Variants in SUSD4 observed in about 807,000 individuals in gnomAD.
SUSD4 encodes sushi domain-containing protein 4.
Under a neutral mutation model 50.5 loss-of-function variants are expected in SUSD4, and 41 were observed. That is an observed-to-expected ratio of 0.81 (90% CI 0.63 to 1.05). The LOEUF (loss-of-function observed/expected upper bound fraction) is 1.05, where lower values mean the gene tolerates loss of function less well. Among genes scored for constraint, SUSD4 ranks in the 50% least tolerant of loss-of-function variants. SUSD4 has a pLI of 0.00. For missense variants in SUSD4, 580 were observed against 634.7 expected (o/e 0.91, Z 0.93); for synonymous variants, 257 against 257.3 (o/e 1.00, Z 0.01).
At chr1:223,350,649 G>T (rs1424093354) in intron 2 of SUSD4, among the ~76,000 whole-genome samples, 6 of 152,230 alleles carry the variant, frequency 3.9e-5, no homozygotes, top group Admixed American at 2.0e-4. Context: ...TCATACAGTA[G>T]CAGGTCTTAG....
chr1:223,363,582 C>A, intron 1 of SUSD4, 122 bp from the exon 2 acceptor site: 1 of 1,194,922 alleles, frequency 8.4e-7, no homozygotes. Context: ...GTTCCTCCCC[C>A]GCGCGGCCCC....
In SUSD4 at chr1:223,351,916, G is replaced by A. The variant is rs534866995; in HGVS notation, c.148+11362C>T. On this transcript the variant is annotated intron_variant, in intron 2 of 8. Transcript: ENST00000366878. ...GGACGTTAGCTTAGGCTACATCACC[G>A]AGAACATGACCCAGTTTAGCAACAA... Among the ~76,000 whole-genome samples, 16 of 151,998 alleles carry A rather than the reference G, an allele frequency of 1.1e-4. No individual in the cohort carries two copies. The East Asian group carries it at 2.3e-3, about 22-fold the overall frequency.
At chr1:223,354,784 C>T (rs551594431) in intron 2 of SUSD4, among the ~76,000 whole-genome samples, 5 of 152,148 alleles carry the variant, frequency 3.3e-5, no homozygotes, top group Non-Finnish European at 7.3e-5. Flanking sequence ...CAAGCAGATC[C>T]TATTGTTTCT....
intron 3 of SUSD4, among the ~76,000 whole-genome samples, chr1:223,272,207 T>C (rs1346327328): frequency 3.3e-5 from 5 of 152,160 alleles, no homozygotes; most frequent in Non-Finnish European, 5.9e-5. Flanking sequence ...ACAAAAATAT[T>C]CATCAAAATC....
At chr1:223,266,375 G>GA (rs1662491558) in intron 4 of SUSD4, among the ~76,000 whole-genome samples, 2 of 152,168 alleles carry the variant, frequency 1.3e-5, no homozygotes, top group Non-Finnish European at 2.9e-5. Context: ...CAATAATTGA[G>GA]AAAAAAAGAG....
rs1202844667 is a variant in SUSD4 at position 223,292,612 on chromosome 1, G to A, written c.188C>T (p.Pro63Leu). 5 of 1,614,076 alleles carry A rather than the reference G, an allele frequency of 3.1e-6. No individual in the cohort carries two copies. The highest frequency in any genetic ancestry group is 4.2e-6 in the Non-Finnish European group (5 of 1,180,016). The part of the protein sequence containing the change: ...DLQVCADPGI[P>L]ENGFRTPSGG... ...GCTGGGGGTCCTGAAGCCATTCTCG[G>A]GAATGCCGGGGTCAGCACACACTTG... The change falls in exon 3 of 9, where the codon CCC becomes CTC. Residue 63 changes from proline to leucine, a missense_variant. By Grantham distance (98) the Pro-to-Leu change is moderately conservative (BLOSUM62 -3). Coordinates refer to ENST00000366878, the MANE Select transcript of SUSD4 (RefSeq NM_017982.4).
intron 2 of SUSD4, among the ~76,000 whole-genome samples, chr1:223,351,270 T>G (rs1267872827): frequency 1.3e-5 from 2 of 152,228 alleles, no homozygotes; most frequent in Admixed American, 6.5e-5. Context: ...ATGTGCAAAA[T>G]TTTCATATGT....
chr1:223,303,182 A>G (rs911217716), intron 2 of SUSD4, among the ~76,000 whole-genome samples: 13 of 152,086 alleles, frequency 8.5e-5, no homozygotes, highest in South Asian at 4.2e-4. Flanking sequence ...TTGATAACAC[A>G]TATGTCCATA....
chr1:223,234,792 C>G, intron 5 of SUSD4: 1 of 890,880 alleles, frequency 1.1e-6, no homozygotes, highest in East Asian at 3.2e-5. Context: ...CTCTGAGATA[C>G]ACACTAAAAT....
At chr1:223,331,858 C>A (rs1667195696) in intron 2 of SUSD4, among the ~76,000 whole-genome samples, 1 of 152,196 alleles carries the variant, frequency 6.6e-6, no homozygotes, top group Non-Finnish European at 1.5e-5. Context: ...AGAAATCACC[C>A]TGCAAACCCA....
At position 223,227,779 on chromosome 1, in the gene SUSD4, C is replaced by T. The variant is rs368057010; in HGVS notation, c.917-41G>A. 682 of 1,567,202 alleles carry T rather than the reference C, an allele frequency of 4.4e-4. 10 individuals carry two copies. In the South Asian group the frequency reaches 6.7e-3, roughly 15 times the overall value. ...CAAAGCTGTACGTGAGGCTCCCAGA[C>T]CATGAGAGGTGCCGAGGTTCCCCGT... On this transcript the variant is annotated intron_variant, in intron 6 of 8. Transcript: ENST00000366878. This position sits in a 1 kb window ranked among gnomAD's most constrained non-coding sequence, Gnocchi z 4.5.
At chr1:223,289,722 T>G (rs1444866248) in intron 3 of SUSD4, among the ~76,000 whole-genome samples, 1 of 152,138 alleles carries the variant, frequency 6.6e-6, no homozygotes, top group Non-Finnish European at 1.5e-5. Flanking sequence ...TCTCTATAGG[T>G]CAAACAAAAA....
intron 2 of SUSD4, among the ~76,000 whole-genome samples, chr1:223,323,436 C>A (rs570588397): frequency 6.6e-6 from 1 of 151,944 alleles, no homozygotes; most frequent in Non-Finnish European, 1.5e-5. Context: ...TCAACAGGGG[C>A]CCCAGAGAGC....
rs1663318201 is a variant in SUSD4, at chr1:223,276,950, GT to G, written c.362-8276del. On this transcript the variant is annotated intron_variant, in intron 3 of 8. Transcript: ENST00000366878. ...TAAAATATTTTTAAAGCATCCATCT[GT>G]TTTGATGAAGCCTCTGGAGCTAGAA... Among the ~76,000 whole-genome samples, 3 of 152,300 alleles carry G rather than the reference GT, an allele frequency of 2.0e-5. No individual in the cohort carries two copies. In the South Asian group the frequency reaches 6.2e-4, roughly 32 times the overall value.
intron 7 of SUSD4, among the ~76,000 whole-genome samples, chr1:223,224,861 C>T (rs1012281772): frequency 1.8e-4 from 20 of 113,718 alleles, no homozygotes; most frequent in African/African-American, 6.3e-4. Flanking sequence ...TTGGTTTCTT[C>T]CTTTTTTTTT....
At chr1:223,348,053 A>G (rs1167537878) in intron 2 of SUSD4, among the ~76,000 whole-genome samples, 1 of 152,094 alleles carries the variant, frequency 6.6e-6, no homozygotes, top group Non-Finnish European at 1.5e-5. Context: ...GACTGAGTGG[A>G]CTACAGATCT....
chr1:223,274,370 T>C (rs932363310), intron 3 of SUSD4, among the ~76,000 whole-genome samples: 9 of 152,196 alleles, frequency 5.9e-5, no homozygotes, highest in African/African-American at 2.2e-4. Context: ...GGCACCACCA[T>C]GTGGGATAGT....
Position 223,220,925 on chromosome 1 carries a change from G to A in SUSD4, c.*1267C>T. The A allele has an allele frequency of 2.5e-6, 1 of 399,894 alleles. No individual in the cohort carries two copies. Among genetic ancestry groups the A allele is most frequent in the Admixed American group, 4.4e-5 (1 of 22,726 alleles). The allele number at this position is 399,894 out of a possible 1,614,324, so 24.8% of individuals were successfully genotyped here. The stretch of plus-strand genomic sequence containing the variant: ...ACTCTATCAGCATAGCAATTTTAAG[G>A]ATCAGAGCTTTGTTTACATTTGTCT... On this transcript the variant is annotated 3_prime_UTR_variant, in exon 9 of 9. Coordinates refer to ENST00000366878, the MANE Select transcript of SUSD4 (RefSeq NM_017982.4).
chr1:223,280,724 G>C (rs1270631411), intron 3 of SUSD4, among the ~76,000 whole-genome samples: 1 of 151,688 alleles, frequency 6.6e-6, no homozygotes, highest in African/African-American at 2.4e-5. Flanking sequence ...ACTCAGCTCT[G>C]TACCAAGGGG....
Sources: allele counts gnomAD v4.1 joint callset (sites outside exome capture counted in the v4.1 genomes callset), GRCh38; gene constraint gnomAD v4.1.1; non-coding constraint Gnocchi (gnomAD v3.1); transcripts MANE v1.5; gene names NCBI Gene and HGNC (gene_info 2026-07-23, HGNC 2026-07-21).